The following ANKS1B variants were observed in gnomAD, a reference collection of about 807,000 sequenced individuals.
ANKS1B encodes the protein ankyrin repeat and sterile alpha motif domain-containing protein 1B.
A neutral mutation model predicts 148.3 loss-of-function variants in ANKS1B; 36 were observed. The ratio of observed to expected loss-of-function variants is 0.24; its 90% CI spans 0.19 to 0.32. The LOEUF is 0.32. Ranked by LOEUF, ANKS1B falls within the 10% of genes least tolerant of loss-of-function variation. The pLI is 1.00. For synonymous variants in ANKS1B, 542 were observed against 560.8 expected (o/e 0.97, Z 0.47); for missense variants, 1,157 against 1,542.6 (o/e 0.75, Z 4.19).
intron 17 of ANKS1B, among the ~76,000 whole-genome samples, chr12:98,895,695 G>T (rs561587755): frequency 6.0e-4 from 92 of 152,236 alleles, no homozygotes; most frequent in African/African-American, 2.2e-3. Flanking sequence ...TTTTGATAAG[G>T]TTCAAATACT....
intron 1 of ANKS1B, among the ~76,000 whole-genome samples, chr12:99,837,081 T>C (rs572296346): frequency 6.6e-6 from 1 of 152,008 alleles, no homozygotes; most frequent in African/African-American, 2.4e-5. Context: ...TAATTACAAG[T>C]GGAGAAGAGG....
chr12:99,366,170 G>C (rs2152448858), intron 12 of ANKS1B, among the ~76,000 whole-genome samples: 1 of 152,320 alleles, frequency 6.6e-6, no homozygotes, highest in African/African-American at 2.4e-5. Flanking sequence ...ACTTGTGCAA[G>C]ACTGGAAGGT....
chr12:99,914,364 G>A (rs1242999062), intron 1 of ANKS1B, among the ~76,000 whole-genome samples: 1 of 152,182 alleles, frequency 6.6e-6, no homozygotes. Flanking sequence ...TGTGTTACAG[G>A]AAGGAGGAAG....
At chr12:99,538,003 T>C (rs547240882) in intron 9 of ANKS1B, among the ~76,000 whole-genome samples, 11 of 152,268 alleles carry the variant, frequency 7.2e-5, no homozygotes, top group African/African-American at 2.4e-4. Flanking sequence ...GTACCATTTA[T>C]TGAAGAGACT....
At chr12:99,352,289 T>C (rs1008638983) in intron 12 of ANKS1B, among the ~76,000 whole-genome samples, 3 of 152,080 alleles carry the variant, frequency 2.0e-5, no homozygotes, top group Admixed American at 6.6e-5. Flanking sequence ...ATTTAATAAA[T>C]ACTTGTTGGA....
chr12:99,643,205 C>G (rs2098327461), intron 9 of ANKS1B, among the ~76,000 whole-genome samples: 1 of 152,148 alleles, frequency 6.6e-6, no homozygotes, highest in East Asian at 1.9e-4. Flanking sequence ...ATCTCAACGT[C>G]CCATAAATCT....
intron 1 of ANKS1B, among the ~76,000 whole-genome samples, chr12:99,880,042 A>T (rs186070995): frequency 8.7e-4 from 133 of 152,314 alleles, no homozygotes; most frequent in African/African-American, 2.9e-3. Context: ...TACAAGATGC[A>T]TAATCTTGCA....
chr12:99,244,854 A>C (rs2089995584), intron 13 of ANKS1B, among the ~76,000 whole-genome samples: 1 of 152,044 alleles, frequency 6.6e-6, no homozygotes, highest in Non-Finnish European at 1.5e-5. Context: ...CACAGGAGCA[A>C]AGTTTTCTGT....
chr12:99,409,075 T>C (rs1055278460), intron 11 of ANKS1B, among the ~76,000 whole-genome samples: 1 of 152,166 alleles, frequency 6.6e-6, no homozygotes, highest in African/African-American at 2.4e-5. Flanking sequence ...CTATTCACAA[T>C]AGCCAAGATT....
rs905922555 is a variant in ANKS1B at position 99,486,197 on chromosome 12, G to GT, written c.1438+18278dup. Reference sequence around the variant, plus strand: ...TTAAATTTATGTTTGATTTGACTGTGTTTTTTTTTAATATTCCTTTTTTCC... The same window carrying GT: ...TTAAATTTATGTTTGATTTGACTGTGTTTTTTTTTTAATATTCCTTTTTTCC... On this transcript the variant is annotated intron_variant, in intron 10 of 26. Transcript: ENST00000683438. Among the ~76,000 whole-genome samples the GT allele has an allele frequency of 1.8e-3, 276 of 150,198 alleles. 5 individuals are homozygous for GT. Among genetic ancestry groups the GT allele is most frequent in the African/African-American group, 5.6e-3 (229 of 41,120 alleles).
intron 9 of ANKS1B, among the ~76,000 whole-genome samples, chr12:99,626,918 T>C (rs909614341): frequency 1.3e-5 from 2 of 152,202 alleles, no homozygotes; most frequent in African/African-American, 2.4e-5. Flanking sequence ...CATCTTTCTA[T>C]GATTGTTTCT....
chr12:98,950,831 T>C (rs2099853026), intron 17 of ANKS1B, among the ~76,000 whole-genome samples: 1 of 152,138 alleles, frequency 6.6e-6, no homozygotes, highest in South Asian at 2.1e-4. Context: ...AGTGGTGCAA[T>C]TATAGCTCAC....
At chr12:99,458,555 G>T (rs932346475) in intron 10 of ANKS1B, among the ~76,000 whole-genome samples, 9 of 151,606 alleles carry the variant, frequency 5.9e-5, no homozygotes, top group Admixed American at 5.9e-4. Context: ...CCAAATAAGT[G>T]CAATTAGAAA....
chr12:99,689,884 C>G (rs1446348276), intron 8 of ANKS1B, among the ~76,000 whole-genome samples: 1 of 152,158 alleles, frequency 6.6e-6, no homozygotes, highest in East Asian at 1.9e-4. Context: ...AACTTGATTG[C>G]AGCCTTGTGA....
At chr12:99,768,985 G>A (rs547863483) in intron 8 of ANKS1B, among the ~76,000 whole-genome samples, 21 of 150,796 alleles carry the variant, frequency 1.4e-4, no homozygotes, top group Non-Finnish European at 2.7e-4. Flanking sequence ...TGGGCTTCTC[G>A]GACTCCAGAA....
At chr12:99,616,481 A>G (rs770287072) in intron 9 of ANKS1B, among the ~76,000 whole-genome samples, 3 of 152,110 alleles carry the variant, frequency 2.0e-5, no homozygotes, top group Non-Finnish European at 4.4e-5. Context: ...CTCAGAAATA[A>G]CGCCACACAT....
chr12:99,895,629 A>G (rs774895260), intron 1 of ANKS1B, among the ~76,000 whole-genome samples: 1 of 150,454 alleles, frequency 6.6e-6, no homozygotes, highest in Non-Finnish European at 1.5e-5. Context: ...ACTGAAGAAC[A>G]TGACTTTCTG....
intron 1 of ANKS1B, among the ~76,000 whole-genome samples, chr12:99,962,055 A>C (rs2095419366): frequency 6.6e-6 from 1 of 152,150 alleles, no homozygotes; most frequent in Non-Finnish European, 1.5e-5. Flanking sequence ...ACATTTTTTA[A>C]ATCCAGGCTG....
At chr12:99,318,427 T>C (rs1415334963) in intron 12 of ANKS1B, among the ~76,000 whole-genome samples, 3 of 152,230 alleles carry the variant, frequency 2.0e-5, no homozygotes, top group South Asian at 2.1e-4. Flanking sequence ...TATTCATTTC[T>C]TCTAGATTTT....
Sources: allele counts gnomAD v4.1 joint callset (sites outside exome capture counted in the v4.1 genomes callset), GRCh38; gene constraint gnomAD v4.1.1; transcripts MANE v1.5; gene names NCBI Gene and HGNC (gene_info 2026-07-23, HGNC 2026-07-21).